The following FGF14 variants were observed in gnomAD, a reference collection of about 807,000 sequenced individuals.
FGF14 encodes fibroblast growth factor homologous factor 4.
A neutral mutation model predicts 25.5 loss-of-function variants in FGF14; 5 were observed. The observed-to-expected ratio is 0.20, with a 90% CI of 0.10 to 0.41. FGF14 has a LOEUF of 0.41. Among genes scored for constraint, FGF14 ranks in the 10% least tolerant of loss-of-function variants. FGF14 has a pLI of 1.00. For synonymous variants in FGF14, 138 were observed against 118.3 expected (o/e 1.17, Z -1.08); for missense variants, 222 against 320.1 (o/e 0.69, Z 2.34).
chr13:102,104,534 G>A (rs974876031), intron 1 of FGF14, among the ~76,000 whole-genome samples: 1 of 152,158 alleles, frequency 6.6e-6, no homozygotes, highest in South Asian at 2.1e-4. Context: ...CCAAAACCTT[G>A]GAAGGCTGAG....
At chr13:102,349,597 A>G (rs1267925260) in intron 1 of FGF14, among the ~76,000 whole-genome samples, 1 of 152,248 alleles carries the variant, frequency 6.6e-6, no homozygotes, top group Non-Finnish European at 1.5e-5. Context: ...TAGCTCCAGA[A>G]AGATAATAAA....
At chr13:102,168,282 G>A (rs576111151) in intron 1 of FGF14, among the ~76,000 whole-genome samples, 2 of 152,184 alleles carry the variant, frequency 1.3e-5, no homozygotes, top group Admixed American at 6.6e-5. Flanking sequence ...GATCCTCAGC[G>A]CCTAATCAAA....
intron 1 of FGF14, among the ~76,000 whole-genome samples, chr13:101,925,664 A>G (rs2034314072): frequency 1.3e-5 from 2 of 152,338 alleles, no homozygotes; most frequent in South Asian, 4.1e-4. Flanking sequence ...TTTGTATGTA[A>G]CTGCTAAAAA....
chr13:102,170,189 G>C (rs563179368), intron 1 of FGF14, among the ~76,000 whole-genome samples: 2 of 151,778 alleles, frequency 1.3e-5, no homozygotes, highest in Admixed American at 6.6e-5. Context: ...GCTGGCTCCT[G>C]GTATGTTAAA....
At chr13:102,273,143 A>G (rs1241731793) in intron 1 of FGF14, among the ~76,000 whole-genome samples, 1 of 152,204 alleles carries the variant, frequency 6.6e-6, no homozygotes, top group Non-Finnish European at 1.5e-5. Flanking sequence ...ACTACATTGC[A>G]TTATTTTGAA....
At chr13:102,046,433 T>C (rs981364504) in intron 1 of FGF14, among the ~76,000 whole-genome samples, 13 of 152,182 alleles carry the variant, frequency 8.5e-5, no homozygotes, top group African/African-American at 3.1e-4. Context: ...TTATTACTAT[T>C]TTAAAGAAAC....
chr13:102,061,438 A>G (rs2042685704), intron 1 of FGF14, among the ~76,000 whole-genome samples: 1 of 152,222 alleles, frequency 6.6e-6, no homozygotes, highest in Non-Finnish European at 1.5e-5. Flanking sequence ...CCACAGCCCC[A>G]TGGCACGCCC....
chr13:102,253,115 T>C (rs1473703594), intron 1 of FGF14, among the ~76,000 whole-genome samples: 1 of 152,220 alleles, frequency 6.6e-6, no homozygotes, highest in Non-Finnish European at 1.5e-5. Flanking sequence ...TTGTGAACAG[T>C]GCCACAATAA....
intron 3 of FGF14, among the ~76,000 whole-genome samples, chr13:101,825,232 A>G (rs1000839024): frequency 1.9e-4 from 29 of 152,192 alleles, no homozygotes; most frequent in Admixed American, 1.6e-3. Context: ...GAGATCTGAC[A>G]CTAACTCCAG....
At chr13:102,003,717 A>G (rs1177896352) in intron 1 of FGF14, among the ~76,000 whole-genome samples, 2 of 151,160 alleles carry the variant, frequency 1.3e-5, no homozygotes, top group African/African-American at 4.9e-5. Flanking sequence ...TAGAAAATGC[A>G]CATAATGCTA....
chr13:101,855,117 C>A (rs527852324), intron 3 of FGF14, among the ~76,000 whole-genome samples: 1 of 152,124 alleles, frequency 6.6e-6, no homozygotes, highest in Non-Finnish European at 1.5e-5. Context: ...CACACCCACG[C>A]ATTCTGCATT....
chr13:102,034,545 T>C (rs1447919781), intron 1 of FGF14, among the ~76,000 whole-genome samples: 1 of 152,156 alleles, frequency 6.6e-6, no homozygotes, highest in African/African-American at 2.4e-5. Context: ...AGTGAGGCAC[T>C]AGCCTTGGGC....
chr13:102,139,599 G>C (rs767017537), intron 1 of FGF14, among the ~76,000 whole-genome samples: 1 of 152,106 alleles, frequency 6.6e-6, no homozygotes, highest in Non-Finnish European at 1.5e-5. Flanking sequence ...GCTGTGGAGG[G>C]GGGGATGGCA....
chr13:101,845,149 G>A (rs574951713), intron 3 of FGF14, among the ~76,000 whole-genome samples: 68 of 152,066 alleles, frequency 4.5e-4, no homozygotes, highest in African/African-American at 1.6e-3. Flanking sequence ...GCCTTCATCG[G>A]TGAAGCAAAA....
At chr13:101,929,604 C>T (rs1470305637) in intron 1 of FGF14, among the ~76,000 whole-genome samples, 3 of 152,342 alleles carry the variant, frequency 2.0e-5, no homozygotes, top group African/African-American at 7.2e-5. Flanking sequence ...GGCGTTGTCA[C>T]GTCATCTGAC....
At chr13:102,162,659 G>T (rs1296162364) in intron 1 of FGF14, among the ~76,000 whole-genome samples, 1 of 152,244 alleles carries the variant, frequency 6.6e-6, no homozygotes, top group Admixed American at 6.5e-5. Context: ...TGTAACAAAA[G>T]ACTTCATTAT....
chr13:102,323,957 A>G (rs980716121), intron 1 of FGF14, among the ~76,000 whole-genome samples: 113 of 136,522 alleles, frequency 8.3e-4, no homozygotes, highest in Admixed American at 1.7e-3. Context: ...AACGTGCAGT[A>G]TGTGTGTGTG....
At chr13:102,100,542 C>T (rs1307941456) in intron 1 of FGF14, among the ~76,000 whole-genome samples, 1 of 152,154 alleles carries the variant, frequency 6.6e-6, no homozygotes, top group Non-Finnish European at 1.5e-5. Flanking sequence ...ATATCAGTGA[C>T]CAATGATCAG....
intron 3 of FGF14, among the ~76,000 whole-genome samples, chr13:101,824,615 C>T (rs2042314736): frequency 6.6e-6 from 1 of 152,146 alleles, no homozygotes; most frequent in Non-Finnish European, 1.5e-5. Context: ...TCCTGGCACA[C>T]AGCTCCTAAA....
Sources: allele counts gnomAD v4.1 joint callset (sites outside exome capture counted in the v4.1 genomes callset), GRCh38; gene constraint gnomAD v4.1.1; transcripts MANE v1.5; gene names NCBI Gene and HGNC (gene_info 2026-07-23, HGNC 2026-07-21).